ROGDI: variants seen among roughly 807,000 people sequenced by gnomAD.
ROGDI encodes protein rogdi homolog.
ROGDI carries 46 observed loss-of-function variants against 43.1 expected under a neutral mutation model. The ratio of observed to expected loss-of-function variants is 1.07; its 90% confidence interval spans 0.84 to 1.37. The LOEUF (loss-of-function observed/expected upper bound fraction) is 1.37. Ranked by LOEUF, ROGDI falls within the 40% of genes most tolerant of loss-of-function variation. The pLI, the probability that ROGDI is intolerant of heterozygous loss-of-function variation, is 0.00. For synonymous variants in ROGDI, 243 were observed against 162.0 expected (o/e 1.50, Z -3.80); for missense variants, 518 against 383.9 (o/e 1.35, Z -2.92).
chr16:4,798,799 G>A (rs1310997623), intron 6 of ROGDI, 132 bp from the exon 7 acceptor site: 4 of 739,990 alleles, frequency 5.4e-6, no homozygotes, highest in Admixed American at 5.3e-5. Context: ...CGGCAGCAGG[G>A]ACCTGTTAAA....
In ROGDI at chr16:4,800,574, A is replaced by G. The variant is rs1477391414; in HGVS notation, c.260T>C (p.Val87Ala). ...LQGDALSQAD[V>A]NLKMPRNNQL... ...GTTGTTCCGGGGCATCTTCAGGTTCACATCCTGACAGGCAAGAGTGGGGTG... is the reference window on the plus strand; with the variant it reads ...GTTGTTCCGGGGCATCTTCAGGTTCGCATCCTGACAGGCAAGAGTGGGGTG... Residue 87 changes from valine to alanine, a missense_variant, in exon 5 of 11, where the codon GTG becomes GCG. Val to Ala is a moderately conservative substitution (Grantham distance 64, BLOSUM62 0). Transcript: ENST00000322048. 1.3e-6 allele frequency: 2 copies of G among 1,565,448 alleles called. No individual in the cohort carries two copies. The highest frequency in any genetic ancestry group is 1.7e-6 in the Non-Finnish European group (2 of 1,154,234).
At chr16:4,801,896 G>C in intron 2 of ROGDI, 1 of 576,742 alleles carries the variant, frequency 1.7e-6, no homozygotes, top group East Asian at 3.1e-5. Context: ...CAGGGAACAA[G>C]GCAGTAGTTA....
At position 4,799,735 on chromosome 16, in the gene ROGDI, G is replaced by A. The variant is rs754798547; in HGVS notation, c.383C>T (p.Thr128Ile). Residue 128 changes from threonine (T) to isoleucine (I), a missense_variant, in exon 6 of 11, where the codon ACC becomes ATC. By Grantham distance (89) the Thr-to-Ile change is moderately conservative. Transcript: ENST00000322048. Reference protein sequence around the residue: ...NHVSQAIYLLTSRDQSYQFKT... With the variant: ...NHVSQAIYLLISRDQSYQFKT... ...GAACTGGTAGCTCTGGTCCCGGCTG[G>A]TAAGCAGGTAAATGGCTTGGCTCAC... The A allele has an allele frequency of 1.9e-6, 3 of 1,613,792 alleles. No individual in the cohort carries two copies. The highest frequency in any genetic ancestry group is 2.5e-6 in the Non-Finnish European group (3 of 1,179,820).
chr16:4,799,757 T>C lies in ROGDI; in HGVS notation c.361A>G (p.Ser121Gly). The C allele has an allele frequency of 6.2e-7, 1 of 1,613,620 alleles. No individual in the cohort carries two copies. Among genetic ancestry groups the C allele is most frequent in the Non-Finnish European group, 8.5e-7 (1 of 1,179,716 alleles). The stretch of plus-strand genomic sequence containing the variant: ...CTGGTAAGCAGGTAAATGGCTTGGC[T>C]CACATGGTTTCTGGCATCCTGGATC... ...QQIQDARNHV[S>G]QAIYLLTSRD... The change falls in exon 6 of 11, where the codon AGC (serine) becomes GGC (glycine). Residue 121 changes from serine (S) to glycine (G), a missense_variant. Ser to Gly is a moderately conservative substitution (Grantham distance 56). Coordinates refer to ENST00000322048, the MANE Select transcript of ROGDI (RefSeq NM_024589.3).
At chr16:4,802,252 G>A in intron 2 of ROGDI, 130 bp downstream of exon 2, 2 of 837,832 alleles carry the variant, frequency 2.4e-6, no homozygotes, top group East Asian at 2.9e-5. Flanking sequence ...GCGGAGGCGG[G>A]GCCCTGCCTG....
chr16:4,800,820 A>G, intron 4 of ROGDI: 1 of 566,454 alleles, frequency 1.8e-6, no homozygotes. Flanking sequence ...AAGAAAGGGG[A>G]AGGGGAAGAG....
chr16:4,799,658 C>A (rs1475216150), intron 6 of ROGDI, 28 bp downstream of exon 6: 2 of 1,569,172 alleles, frequency 1.3e-6, no homozygotes, highest in East Asian at 2.3e-5. Context: ...GGGACTAGGC[C>A]CAGGAGTCAG....
rs761273594 is a variant in ROGDI at position 4,797,405 on chromosome 16, G to A, written c.*55C>T. 14 of 1,542,134 alleles carry A rather than the reference G, an allele frequency of 9.1e-6. No individual in the cohort carries two copies. The highest frequency in any genetic ancestry group is 1.2e-5 in the Non-Finnish European group (14 of 1,126,330). ...TGGCACTGGCTGGTGCTCTGTGGTGGGTATGAGTAGGGGACGGGGCCGCCT... is the reference window on the plus strand; with the variant it reads ...TGGCACTGGCTGGTGCTCTGTGGTGAGTATGAGTAGGGGACGGGGCCGCCT... On this transcript the variant is annotated 3_prime_UTR_variant, in exon 11 of 11. Transcript: ENST00000322048.
rs786205119 is a variant in ROGDI, at chr16:4,798,186, T to A, written c.532-2A>T. On this transcript the variant is annotated splice_acceptor_variant, in intron 7 of 10. Transcript: ENST00000322048. LOFTEE classifies it high-confidence loss of function. Reference sequence around the variant, plus strand: ...CGGCAGGGCAGGGGCGAACATCCGCTGCGGGAGGCAGGTGGGATGAGGCCC... The same window carrying A: ...CGGCAGGGCAGGGGCGAACATCCGCAGCGGGAGGCAGGTGGGATGAGGCCC... The A allele has an allele frequency of 1.2e-6, 2 of 1,612,334 alleles. No homozygotes were observed. Among genetic ancestry groups the A allele is most frequent in the Non-Finnish European group, 1.7e-6 (2 of 1,179,254 alleles).
intron 7 of ROGDI, 62 bp from the exon 8 acceptor site, chr16:4,798,246 G>A: frequency 7.3e-7 from 1 of 1,373,428 alleles, no homozygotes; most frequent in Non-Finnish European, 1.0e-6. Context: ...ATGGAGCGGG[G>A]CTCTGCAGTC....
chr16:4,798,717 T>C (rs2082684347), intron 6 of ROGDI, 50 bp from the exon 7 acceptor site: 4 of 1,431,988 alleles, frequency 2.8e-6, no homozygotes, highest in Non-Finnish European at 3.8e-6. Context: ...TCCCCATGCA[T>C]TAAGGAACAA....
intron 4 of ROGDI, chr16:4,800,831 G>A (rs2082706094): frequency 5.3e-6 from 3 of 563,728 alleles, no homozygotes; most frequent in Non-Finnish European, 6.3e-6. Context: ...AGGGGAAGAG[G>A]AAAGGCAGCC....
Position 4,797,055 on chromosome 16 carries a change from CTCTG to C in ROGDI, c.*401_*404del, listed in dbSNP as rs937425606. The C allele has an allele frequency of 1.4e-5, 3 of 220,308 alleles. No individual in the cohort carries two copies. Among genetic ancestry groups the C allele is most frequent in the African/African-American group, 4.5e-5 (2 of 44,000 alleles). The allele number at this position is 220,308 out of a possible 1,614,324, so 13.6% of individuals were successfully genotyped here. A position where few individuals can be genotyped will look rare whatever the true frequency, so the allele number is the denominator to read the frequency against. On this transcript the variant is annotated 3_prime_UTR_variant, in exon 11 of 11. Coordinates refer to ENST00000322048, the MANE Select transcript of ROGDI (RefSeq NM_024589.3). ...AGCACTATACTCACTCCTAGGGTGG[CTCTG>C]TCTGTGGCGTTCCTCACCATCCCCG...
At chr16:4,798,449 C>A (rs2141907143) in intron 7 of ROGDI, 120 bp downstream of exon 7, 7 of 859,246 alleles carry the variant, frequency 8.1e-6, no homozygotes, top group Admixed American at 5.7e-5. Context: ...CAGAAACCTG[C>A]CTAGACAGAA....
Position 4,798,555 on chromosome 16 carries a change from G to C in ROGDI, c.531+14C>G. The C allele has an allele frequency of 3.3e-6, 5 of 1,536,634 alleles. No individual in the cohort carries two copies. The highest frequency in any genetic ancestry group is 4.4e-6 in the Non-Finnish European group (5 of 1,145,342). On this transcript the variant is annotated intron_variant, in intron 7 of 10. Transcript: ENST00000322048. Reference sequence around the variant, plus strand: ...GACCCCTCTCCTGCAGCAGGGGCTGGCAGGGGCACTGACCGTGAGGCCGCT... The same window carrying C: ...GACCCCTCTCCTGCAGCAGGGGCTGCCAGGGGCACTGACCGTGAGGCCGCT...
chr16:4,797,979 G>A lies in ROGDI; in HGVS notation c.654C>T (p.Arg218=), dbSNP rs1416085582. 4 of 1,608,384 alleles carry A rather than the reference G, an allele frequency of 2.5e-6. No individual in the cohort carries two copies. In the Admixed American group the frequency reaches 5.0e-5, roughly 20 times the overall value. Residue 218 remains arginine, a synonymous_variant, in exon 9 of 11, where the codon CGC becomes CGT. Transcript: ENST00000322048. ...ALQPNSTKNF[R]PAGGAVLHSP... is the part of the protein sequence containing the mutation. ...TATGCAGCACCGCGCCCCCAGCTGG[G>A]CGGAAGTTCTAGGGAGAACAGCACC...
chr16:4,797,149 A>C lies in ROGDI; in HGVS notation c.*311T>G. 1.3e-5 allele frequency: 4 copies of C among 318,248 alleles called. No homozygotes were observed. The highest frequency in any genetic ancestry group is 4.4e-5 in the South Asian group (1 of 22,956). The allele number at this position is 318,248 out of a possible 1,614,324, so 19.7% of individuals were successfully genotyped here. ...CCAGGGGGAGGGGACAGCGAAGGGG[A>C]GAGGAGGGAGAGCCCTGCGCCTGGC... On this transcript the variant is annotated 3_prime_UTR_variant, in exon 11 of 11. Transcript: ENST00000322048.
chr16:4,800,971 T>C, intron 4 of ROGDI: 1 of 505,042 alleles, frequency 2.0e-6, no homozygotes, highest in Admixed American at 3.7e-5. Context: ...AGTTCAGGCA[T>C]TGGCTGATTC....
Position 4,802,480 on chromosome 16 carries a change from C to T in ROGDI, c.46-27G>A, listed in dbSNP as rs374153036. The T allele has an allele frequency of 7.0e-5, 86 of 1,223,864 alleles. No individual in the cohort carries two copies. In the East Asian group the frequency reaches 2.4e-3, roughly 34 times the overall value. The allele number at this position is 1,223,864 out of a possible 1,614,324, so 75.8% of individuals were successfully genotyped here. ...TGCGGGACAGACCCGGCGGTCGCGC[C>T]CGGCCCCGCCGCCCCGCCGGCCCGC... On this transcript the variant is annotated intron_variant, in intron 1 of 10. Coordinates refer to ENST00000322048, the MANE Select transcript of ROGDI (RefSeq NM_024589.3).
Sources: allele counts gnomAD v4.1 joint callset, GRCh38; gene constraint gnomAD v4.1.1; transcripts MANE v1.5; gene names NCBI Gene and HGNC (gene_info 2026-07-23, HGNC 2026-07-21).